The following CSMD1 variants were observed in gnomAD, a reference collection of about 807,000 sequenced individuals.
CSMD1 encodes the protein CUB and Sushi multiple domains 1, also known as CUB and sushi domain-containing protein 1.
CSMD1 carries 213 observed loss-of-function variants against 417.5 expected under a neutral mutation model. That is an observed-to-expected ratio of 0.51 (90% CI 0.46 to 0.57). CSMD1 has a LOEUF of 0.57. Ranked by LOEUF, CSMD1 falls within the 20% of genes least tolerant of loss-of-function variation. The pLI is 0.00. For synonymous variants in CSMD1, 2,862 were observed against 1,736.8 expected (o/e 1.65, Z -16.11); for missense variants, 6,923 against 4,529.7 (o/e 1.53, Z -15.17).
chr8:3,702,746 C>T (rs925683715), intron 7 of CSMD1, among the ~76,000 whole-genome samples: 8 of 152,152 alleles, frequency 5.3e-5, no homozygotes, highest in African/African-American at 1.9e-4. Flanking sequence ...GCAGGAGAAT[C>T]GCTGGAACCT....
At chr8:2,945,257 T>C (rs2128915503) in intron 68 of CSMD1, among the ~76,000 whole-genome samples, 1 of 152,376 alleles carries the variant, frequency 6.6e-6, no homozygotes, top group Non-Finnish European at 1.5e-5. Flanking sequence ...TTCTCTTTTC[T>C]TATTTTTATA....
chr8:4,673,080 G>A (rs759145512), intron 1 of CSMD1, among the ~76,000 whole-genome samples: 2 of 150,934 alleles, frequency 1.3e-5, no homozygotes, highest in Admixed American at 6.6e-5. Context: ...CACACACAAG[G>A]TGAAACAACA....
intron 12 of CSMD1, among the ~76,000 whole-genome samples, chr8:3,436,263 C>G (rs74993438): frequency 2.0e-5 from 3 of 152,294 alleles, no homozygotes; most frequent in East Asian, 3.9e-4. Flanking sequence ...GTCTCTCTTA[C>G]CAACGCGATA....
At chr8:3,783,621 T>G (rs551948890) in intron 5 of CSMD1, among the ~76,000 whole-genome samples, 27 of 152,348 alleles carry the variant, frequency 1.8e-4, no homozygotes, top group Admixed American at 1.5e-3. Flanking sequence ...AAGCCCTGGA[T>G]GCAGCTGGTT....
At chr8:3,402,020 A>G (rs1014953807) in intron 15 of CSMD1, among the ~76,000 whole-genome samples, 1 of 151,926 alleles carries the variant, frequency 6.6e-6, no homozygotes, top group Non-Finnish European at 1.5e-5. Flanking sequence ...TCTAAAATAC[A>G]CACACACACA....
chr8:3,340,117 C>T (rs971866666), intron 23 of CSMD1, among the ~76,000 whole-genome samples: 1 of 152,144 alleles, frequency 6.6e-6, no homozygotes, highest in African/African-American at 2.4e-5. Context: ...ATGAGGATCA[C>T]CGAAAATCGT....
chr8:3,259,202 G>C (rs183791233), intron 26 of CSMD1, among the ~76,000 whole-genome samples: 3 of 152,280 alleles, frequency 2.0e-5, no homozygotes, highest in Admixed American at 1.3e-4. Context: ...TATTAACAAA[G>C]ACACCTAAAT....
intron 5 of CSMD1, among the ~76,000 whole-genome samples, chr8:3,991,044 G>C (rs1008934281): frequency 6.6e-6 from 1 of 152,180 alleles, no homozygotes; most frequent in Admixed American, 6.5e-5. Context: ...CACTCCACTT[G>C]TGGGGCTGCA....
chr8:3,793,120 C>T (rs981081966), intron 5 of CSMD1, among the ~76,000 whole-genome samples: 2 of 152,150 alleles, frequency 1.3e-5, no homozygotes, highest in South Asian at 2.1e-4. Context: ...AGGATACCCA[C>T]AAGAGTGGAA....
At chr8:4,957,774 G>C (rs1465414172) in intron 1 of CSMD1, among the ~76,000 whole-genome samples, 1 of 151,966 alleles carries the variant, frequency 6.6e-6, no homozygotes, top group African/African-American at 2.4e-5. Flanking sequence ...AATTTAAAAC[G>C]TGTACACAAA....
chr8:3,472,980 C>A (rs935788826), intron 11 of CSMD1, among the ~76,000 whole-genome samples: 4 of 152,066 alleles, frequency 2.6e-5, no homozygotes, highest in Admixed American at 2.6e-4. Flanking sequence ...GATTATCTCA[C>A]ACCCACCCCA....
At position 3,214,592 on chromosome 8, in the gene CSMD1, T is replaced by C. The variant is rs746913800; in HGVS notation, c.4772A>G (p.Asp1591Gly). The change falls in exon 30 of 70, where the codon GAC (aspartate) becomes GGC (glycine). Residue 1591 changes from aspartate (D) to glycine (G), a missense_variant. Asp to Gly is a moderately conservative substitution (Grantham distance 94). Transcript: ENST00000635120. ...GGGGTCAAGAATCTTATAGCCAGAG[T>C]CACACTGGTAGGTGATGGTGGAGCC... ...KLGSTITYQCDSGYKILDPSS... is the reference protein window; with the variant it reads ...KLGSTITYQCGSGYKILDPSS... 1 of 1,572,546 alleles carries C rather than the reference T, an allele frequency of 6.4e-7. No homozygotes were observed. The highest frequency in any genetic ancestry group is 8.6e-7 in the Non-Finnish European group (1 of 1,158,196).
chr8:4,759,478 T>G (rs1481378338), intron 1 of CSMD1, among the ~76,000 whole-genome samples: 1 of 152,220 alleles, frequency 6.6e-6, no homozygotes, highest in Non-Finnish European at 1.5e-5. Context: ...ATGTGTGGCA[T>G]GCTGGTTTGC....
chr8:4,369,015 C>G (rs1361689520), intron 3 of CSMD1, among the ~76,000 whole-genome samples: 1 of 151,986 alleles, frequency 6.6e-6, no homozygotes, highest in African/African-American at 2.4e-5. Flanking sequence ...TCTGGTTTTT[C>G]TAGTTCCTCT....
At chr8:3,349,153 G>C (rs909582891) in intron 21 of CSMD1, among the ~76,000 whole-genome samples, 2 of 152,204 alleles carry the variant, frequency 1.3e-5, no homozygotes, top group African/African-American at 4.8e-5. Context: ...GCATCAGTTA[G>C]ATGCCAGGTA....
intron 5 of CSMD1, among the ~76,000 whole-genome samples, chr8:3,923,411 A>G (rs930414804): frequency 2.0e-5 from 3 of 152,062 alleles, no homozygotes; most frequent in Non-Finnish European, 2.9e-5. Context: ...TATTTTGTCA[A>G]TTTGATTATA....
intron 1 of CSMD1, among the ~76,000 whole-genome samples, chr8:4,687,045 G>T (rs1279096948): frequency 6.6e-6 from 1 of 152,210 alleles, no homozygotes; most frequent in Non-Finnish European, 1.5e-5. Context: ...ACCCATGGCA[G>T]ATGTCTTCTG....
intron 5 of CSMD1, among the ~76,000 whole-genome samples, chr8:3,766,627 T>C (rs1029025249): frequency 1.1e-4 from 17 of 151,754 alleles, no homozygotes; most frequent in Non-Finnish European, 2.2e-4. Flanking sequence ...TATAATAAAT[T>C]CCACGCACAG....
At chr8:4,685,949 C>A (rs1222551014) in intron 1 of CSMD1, among the ~76,000 whole-genome samples, 7 of 152,166 alleles carry the variant, frequency 4.6e-5, no homozygotes, top group African/African-American at 1.7e-4. Context: ...AAAGCACTGA[C>A]GTTGTTATAA....
Sources: allele counts gnomAD v4.1 joint callset (sites outside exome capture counted in the v4.1 genomes callset), GRCh38; gene constraint gnomAD v4.1.1; transcripts MANE v1.5; gene names NCBI Gene and HGNC (gene_info 2026-07-23, HGNC 2026-07-21).